The following PLA2G1B variants were observed in gnomAD, a reference collection of about 807,000 sequenced individuals.
PLA2G1B encodes the protein phospholipase A2.
A neutral mutation model predicts 12.5 loss-of-function variants in PLA2G1B; 12 were observed. The observed-to-expected ratio is 0.96, with a 90% CI of 0.62 to 1.56. The LOEUF is 1.56. Ranked by LOEUF, PLA2G1B falls within the 40% of genes most tolerant of loss-of-function variation. The probability of loss-of-function intolerance (pLI) is 0.00; values close to 1 mark genes in which losing one functional copy is unlikely to be tolerated. For missense variants in PLA2G1B, 189 were observed against 186.7 expected (o/e 1.01, Z -0.07); for synonymous variants, 81 against 73.4 (o/e 1.10, Z -0.53).
At position 120,325,959 on chromosome 12, in the gene PLA2G1B, C is replaced by CT; in HGVS notation, c.95dup (p.Cys33ValfsTer7). ...AGGGGTCACTCCCCGGGATCACGCA[C>CT]TTGATCATTTTGCGGAACTGCCACA... On this transcript the variant is annotated frameshift_variant, in exon 2 of 4. Transcript: ENST00000308366. LOFTEE classifies it high-confidence loss of function. 1 of 1,614,152 alleles carries CT rather than the reference C, an allele frequency of 6.2e-7. No homozygotes were observed. Among genetic ancestry groups the CT allele is most frequent in the African/African-American group, 1.3e-5 (1 of 75,042 alleles).
At chr12:120,323,644 G>A (rs1026063715) in intron 3 of PLA2G1B, among the ~76,000 whole-genome samples, 3 of 151,472 alleles carry the variant, frequency 2.0e-5, no homozygotes, top group Non-Finnish European at 2.9e-5. Flanking sequence ...AAAAAAAACT[G>A]TGTGTGAGTG....
intron 2 of PLA2G1B, 137 bp downstream of exon 2, chr12:120,325,724 T>C (rs900026083): frequency 3.5e-5 from 29 of 820,512 alleles, no homozygotes; most frequent in Non-Finnish European, 5.3e-5. Flanking sequence ...AACATATTTG[T>C]TTATTTGACA....
chr12:120,324,960 C>A lies in PLA2G1B; in HGVS notation c.296G>T (p.Cys99Phe), dbSNP rs964351308. ...GCTACAGGTGATTGCCGAGCCAGAG[C>A]ACGAGTATGAATAGGTGTGGGTGTA... ...NPYTHTYSYS[C>F]SGSAITCSSK... The change falls in exon 3 of 4, where the codon TGC (cysteine) becomes TTC (phenylalanine). Residue 99 changes from cysteine to phenylalanine, a missense_variant. Coordinates refer to ENST00000308366, the MANE Select transcript of PLA2G1B (RefSeq NM_000928.3). The A allele has an allele frequency of 1.2e-6, 2 of 1,614,090 alleles. No individual in the cohort carries two copies. The highest frequency in any genetic ancestry group is 2.7e-5 in the African/African-American group (2 of 75,026).
At chr12:120,327,668 T>G in intron 1 of PLA2G1B, 52 bp downstream of exon 1, 1 of 1,566,972 alleles carries the variant, frequency 6.4e-7, no homozygotes, top group Non-Finnish European at 8.8e-7. Flanking sequence ...AGGAGTGAGA[T>G]CTTAGCTCAC....
chr12:120,326,027 G>C lies in PLA2G1B; in HGVS notation c.35-7C>G. 1 of 1,613,374 alleles carries C rather than the reference G, an allele frequency of 6.2e-7. No homozygotes were observed. ...CCGCTGTCGGCGGCGGCCACTGCAA[G>C]AAGACATAGCCAGAGTTCAAATCGG... On this transcript the variant is annotated splice_region_variant and splice_polypyrimidine_tract_variant and intron_variant, in intron 1 of 3. Coordinates refer to ENST00000308366, the MANE Select transcript of PLA2G1B (RefSeq NM_000928.3).
In PLA2G1B at chr12:120,326,008, T is replaced by TCGG. The variant is rs763020426; in HGVS notation, c.44_46dup (p.Ala15dup). Reference sequence around the variant, plus strand: ...CACGGCCCGAGGGCTGATGCCGCTGTCGGCGGCGGCCACTGCAAGAAGACA... The same window carrying TCGG: ...CACGGCCCGAGGGCTGATGCCGCTGTCGGCGGCGGCGGCCACTGCAAGAAGACA... On this transcript the variant is annotated inframe_insertion, in exon 2 of 4. Coordinates refer to ENST00000308366, the MANE Select transcript of PLA2G1B (RefSeq NM_000928.3). The TCGG allele has an allele frequency of 4.3e-6, 7 of 1,613,806 alleles. No homozygotes were observed. Among genetic ancestry groups the TCGG allele is most frequent in the Non-Finnish European group, 5.9e-6 (7 of 1,179,970 alleles).
chr12:120,326,095 G>C, intron 1 of PLA2G1B, 75 bp from the exon 2 acceptor site: 1 of 1,520,944 alleles, frequency 6.6e-7, no homozygotes, highest in South Asian at 1.2e-5. Context: ...TGCTCCCTCG[G>C]GTCCCACGCT....
rs867186755 is a variant in PLA2G1B at position 120,323,898 on chromosome 12, A to T, written c.322+1036T>A. On this transcript the variant is annotated intron_variant, in intron 3 of 3. Transcript: ENST00000308366. ...GTATTTATTCTGCAAAGTTGTCAAG[A>T]TTGTTTTAAAAAAAGAAAAAGAAAG... Among the ~76,000 whole-genome samples the T allele has an allele frequency of 3.3e-5, 5 of 152,294 alleles. No homozygotes were observed. In the South Asian group the frequency reaches 1.0e-3, roughly 32 times the overall value.
At chr12:120,325,818 C>T in intron 2 of PLA2G1B, 43 bp downstream of exon 2, 2 of 1,601,566 alleles carry the variant, frequency 1.2e-6, no homozygotes, top group Non-Finnish European at 1.7e-6. Flanking sequence ...CCCCACCCCG[C>T]CCCCGGCAGG....
chr12:120,326,623 A>C (rs190024360), intron 1 of PLA2G1B, among the ~76,000 whole-genome samples: 37 of 132,960 alleles, frequency 2.8e-4, no homozygotes, highest in East Asian at 8.7e-4. Context: ...TAATAATAAT[A>C]ATCTCTAACC....
chr12:120,325,030 G>A lies in PLA2G1B; in HGVS notation c.226C>T (p.Gln76Ter), dbSNP rs367810711. Residue 76 changes from glutamine (Q) to a stop codon, truncating the protein, a stop_gained, in exon 3 of 4, where the codon CAG (glutamine) becomes TAG (stop). Coordinates refer to ENST00000308366, the MANE Select transcript of PLA2G1B (RefSeq NM_000928.3). LOFTEE classifies it high-confidence loss of function. Reference protein sequence around the residue: ...CCQTHDNCYDQAKKLDSCKFL... With the variant: ...CCQTHDNCYD The stretch of plus-strand genomic sequence containing the variant: ...TTACAGCTGTCCAGCTTCTTGGCCT[G>A]GTCATAGCAGTTGTCATGTGTCTGG... 10 of 1,613,864 alleles carry A rather than the reference G, an allele frequency of 6.2e-6. No homozygotes were observed. Among genetic ancestry groups the A allele is most frequent in the African/African-American group, 4.0e-5 (3 of 74,882 alleles).
At chr12:120,323,311 G>C (rs1231240800) in intron 3 of PLA2G1B, among the ~76,000 whole-genome samples, 1 of 151,936 alleles carries the variant, frequency 6.6e-6, no homozygotes, top group East Asian at 1.9e-4. Flanking sequence ...TGTCGCCCAG[G>C]CTGGAGTGCA....
chr12:120,322,737 C>G (rs999049767), intron 3 of PLA2G1B, among the ~76,000 whole-genome samples: 1 of 152,070 alleles, frequency 6.6e-6, no homozygotes, highest in Middle Eastern at 3.2e-3. Context: ...CAGGTGCTCG[C>G]CACCATGCCC....
rs768965594 is a variant in PLA2G1B at position 120,325,891 on chromosome 12, C to G, written c.164G>C (p.Gly55Ala). 3 of 1,613,872 alleles carry G rather than the reference C, an allele frequency of 1.9e-6. No individual in the cohort carries two copies. In the African/African-American group the frequency reaches 4.0e-5, roughly 22 times the overall value. Residue 55 changes from glycine to alanine, a missense_variant, in exon 2 of 4, where the codon GGC (glycine) becomes GCC (alanine). Coordinates refer to ENST00000308366, the MANE Select transcript of PLA2G1B (RefSeq NM_000928.3). ...CAGTTCATCCACGGGGGTGCCTGAG[C>G]CCCCCAAGCCACAGTAGCAGCCGTA... ...NNYGCYCGLG[G>A]SGTPVDELDK... is the part of the protein sequence containing the mutation.
chr12:120,325,044 T>C lies in PLA2G1B; in HGVS notation c.212A>G (p.Asp71Gly), dbSNP rs1463098641. The change falls in exon 3 of 4, where the codon GAC (aspartate) becomes GGC (glycine). Residue 71 changes from aspartate (D) to glycine (G), a missense_variant. Transcript: ENST00000308366. ...DELDKCCQTH[D>G]NCYDQAKKLD... is the part of the protein sequence containing the mutation. ...CTTCTTGGCCTGGTCATAGCAGTTGTCATGTGTCTGGCAGCACCTGGAAAG... is the reference window on the plus strand; with the variant it reads ...CTTCTTGGCCTGGTCATAGCAGTTGCCATGTGTCTGGCAGCACCTGGAAAG... The C allele has an allele frequency of 6.2e-7, 1 of 1,614,006 alleles. No homozygotes were observed. The highest frequency in any genetic ancestry group is 8.5e-7 in the Non-Finnish European group (1 of 1,179,992).
At chr12:120,326,725 C>T (rs528341583) in intron 1 of PLA2G1B, among the ~76,000 whole-genome samples, 6 of 151,942 alleles carry the variant, frequency 3.9e-5, no homozygotes, top group Non-Finnish European at 2.9e-5. Flanking sequence ...AATCCCAGCA[C>T]TTTGGGAGGC....
intron 3 of PLA2G1B, among the ~76,000 whole-genome samples, chr12:120,323,891 T>G (rs1373965240): frequency 2.0e-5 from 3 of 152,166 alleles, no homozygotes; most frequent in African/African-American, 7.2e-5. Flanking sequence ...TCTGCAAAGT[T>G]GTCAAGATTG....
chr12:120,323,346 A>G (rs1873274563), intron 3 of PLA2G1B, among the ~76,000 whole-genome samples: 1 of 151,502 alleles, frequency 6.6e-6, no homozygotes. Context: ...GCTCACTGCA[A>G]CCTCTGCCTC....
At chr12:120,326,335 G>A (rs1873347670) in intron 1 of PLA2G1B, among the ~76,000 whole-genome samples, 1 of 144,688 alleles carries the variant, frequency 6.9e-6, no homozygotes, top group African/African-American at 2.6e-5. Context: ...CACCCAGCTA[G>A]GCCTGATAGT....
Sources: gnomAD v4.1 joint callset for allele counts (sites outside exome capture counted in the v4.1 genomes callset) on GRCh38, gnomAD v4.1.1 for gene constraint, MANE v1.5 for transcripts, NCBI Gene and HGNC (gene_info 2026-07-23, HGNC 2026-07-21) for gene names.